Variants in ARHGAP44 observed in about 807,000 individuals in gnomAD.
ARHGAP44 encodes Rho GTPase activating protein 44, also known as rho GTPase-activating protein 44.
A neutral mutation model predicts 106.8 loss-of-function variants in ARHGAP44; 43 were observed. The observed-to-expected ratio is 0.40, with a 90% CI of 0.32 to 0.52. The LOEUF (loss-of-function observed/expected upper bound fraction) is 0.52, where lower values mean the gene tolerates loss of function less well. Among genes scored for constraint, ARHGAP44 ranks in the 20% least tolerant of loss-of-function variants. The probability of loss-of-function intolerance (pLI) is 0.48; values close to 1 mark genes in which losing one functional copy is unlikely to be tolerated. For missense variants in ARHGAP44, 866 were observed against 1,050.5 expected, an observed-to-expected ratio of 0.82 and a Z score of 2.43; for synonymous variants, 439 against 410.3, an observed-to-expected ratio of 1.07 and a Z score of -0.85.
At chr17:12,874,314 G>A (rs2036490809) in intron 1 of ARHGAP44, among the ~76,000 whole-genome samples, 1 of 152,216 alleles carries the variant, frequency 6.6e-6, no homozygotes, top group Admixed American at 6.5e-5. Context: ...AGGGGAAACT[G>A]GGACAGTATG....
chr17:12,835,995 G>A (rs1048115890), intron 1 of ARHGAP44, among the ~76,000 whole-genome samples: 3 of 152,080 alleles, frequency 2.0e-5, no homozygotes, highest in East Asian at 1.9e-4. Context: ...TTGTAAAGGC[G>A]GAATAGTATT....
At chr17:12,902,859 G>T (rs118015247) in intron 3 of ARHGAP44, among the ~76,000 whole-genome samples, 2 of 152,158 alleles carry the variant, frequency 1.3e-5, no homozygotes, top group African/African-American at 2.4e-5. Flanking sequence ...GGTAAAGCAC[G>T]TACATGCCTT....
At chr17:12,976,994 T>C (rs1299545670) in intron 18 of ARHGAP44, among the ~76,000 whole-genome samples, 1 of 151,942 alleles carries the variant, frequency 6.6e-6, no homozygotes, top group African/African-American at 2.4e-5. Context: ...GTATTTGGCA[T>C]ATAAATGATA....
chr17:12,849,175 T>C (rs191721586), intron 1 of ARHGAP44, among the ~76,000 whole-genome samples: 31 of 152,154 alleles, frequency 2.0e-4, no homozygotes, highest in African/African-American at 5.3e-4. Flanking sequence ...ATGAGTTTTT[T>C]CTAGGGTCTG....
At chr17:12,813,475 C>A (rs892735708) in intron 1 of ARHGAP44, among the ~76,000 whole-genome samples, 9 of 152,008 alleles carry the variant, frequency 5.9e-5, no homozygotes, top group African/African-American at 2.2e-4. Flanking sequence ...ATGTAGGGTG[C>A]AATATATGTA....
intron 1 of ARHGAP44, among the ~76,000 whole-genome samples, chr17:12,813,630 C>G (rs953091515): frequency 2.6e-5 from 4 of 152,062 alleles, no homozygotes; most frequent in African/African-American, 9.7e-5. Context: ...AGAAAAGTTA[C>G]AAAAAACCAG....
chr17:12,979,924 G>A, intron 18 of ARHGAP44, 134 bp from the exon 19 acceptor site: 1 of 940,216 alleles, frequency 1.1e-6, no homozygotes, highest in Non-Finnish European at 1.5e-6. Flanking sequence ...TTTTAGGAAG[G>A]GGCCAAGACA....
At chr17:12,948,459 C>A (rs2038909420) in intron 10 of ARHGAP44, among the ~76,000 whole-genome samples, 1 of 152,096 alleles carries the variant, frequency 6.6e-6, no homozygotes, top group Non-Finnish European at 1.5e-5. Flanking sequence ...CACTTGAGGT[C>A]AGGAGTTCAA....
At position 12,908,969 on chromosome 17, in the gene ARHGAP44, C is replaced by G; in HGVS notation, c.271C>G (p.Leu91Val). The change falls in exon 4 of 21, where the codon CTT becomes GTT. Residue 91 changes from leucine to valine, a missense_variant. Physicochemically the swap from Leu to Val is conservative, Grantham distance 32 (BLOSUM62 1). This residue lies in a region of ARHGAP44 where 448 missense variants were observed against 646.9 expected (regional missense o/e 0.69). Coordinates refer to ENST00000379672, the MANE Select transcript of ARHGAP44 (RefSeq NM_014859.6). ...GSAILGDDTLLGKMLKLCGET... is the reference protein window; with the variant it reads ...GSAILGDDTLVGKMLKLCGET... The stretch of plus-strand genomic sequence containing the variant: ...AGCTATCCTGGGAGATGACACACTT[C>G]TTGGGTAAGGTGACACCTTGCGTGA... 6.3e-7 allele frequency: 1 copy of G among 1,592,682 alleles called. No individual in the cohort carries two copies.
chr17:12,949,705 T>C lies in ARHGAP44; in HGVS notation c.1030T>C (p.Tyr344His). The C allele has an allele frequency of 6.2e-7, 1 of 1,613,864 alleles. No individual in the cohort carries two copies. The highest frequency in any genetic ancestry group is 8.5e-7 in the Non-Finnish European group (1 of 1,179,820). Residue 344 changes from tyrosine to histidine, a missense_variant, in exon 12 of 21, where the codon TAT becomes CAT. Tyr to His is a moderately conservative substitution (Grantham distance 83). This residue lies in a region of ARHGAP44 where 448 missense variants were observed against 646.9 expected (regional missense o/e 0.69). Coordinates refer to ENST00000379672, the MANE Select transcript of ARHGAP44 (RefSeq NM_014859.6). The surrounding 1 kb of genome is among the most constrained non-coding windows in gnomAD (Gnocchi z 4.1). The stretch of plus-strand genomic sequence containing the variant: ...AGAACCTCTTATGACCTTTGAACTC[T>C]ATGATGAGTGGATCCAGGCTTCCAA... Reference protein sequence around the residue: ...LPEPLMTFELYDEWIQASNVQ... With the variant: ...LPEPLMTFELHDEWIQASNVQ...
At chr17:12,922,422 C>G (rs16946852) in intron 6 of ARHGAP44, among the ~76,000 whole-genome samples, 5,794 of 152,166 alleles carry the variant, frequency 0.038, 312 homozygotes, top group African/African-American at 0.11. Flanking sequence ...TGTTCAAGTA[C>G]CCTATTTTGG....
chr17:12,911,921 T>C (rs1209613468), intron 4 of ARHGAP44, among the ~76,000 whole-genome samples: 1 of 152,170 alleles, frequency 6.6e-6, no homozygotes, highest in Admixed American at 6.5e-5. Flanking sequence ...AGGAAGGACC[T>C]AAAGATCTGA....
intron 1 of ARHGAP44, among the ~76,000 whole-genome samples, chr17:12,804,295 C>A (rs550479394): frequency 6.6e-6 from 1 of 152,334 alleles, no homozygotes; most frequent in African/African-American, 2.4e-5. Flanking sequence ...ACCATTAACA[C>A]ATGCTGGAGG....
At position 12,807,359 on chromosome 17, in the gene ARHGAP44, G is replaced by C. The variant is rs866362351; in HGVS notation, c.53+17468G>C. 3.3e-5 allele frequency among the ~76,000 whole-genome samples: 5 copies of C among 152,310 alleles called. No individual in the cohort carries two copies. The South Asian group carries it at 6.2e-4, about 19-fold the overall frequency. On this transcript the variant is annotated intron_variant, in intron 1 of 20. Coordinates refer to ENST00000379672, the MANE Select transcript of ARHGAP44 (RefSeq NM_014859.6). ...ACCCAGCATCCAGAGGGGAGAACCA[G>C]ATGTAGAGGATGTATTTGTCTGTTC...
At chr17:12,824,666 A>C (rs973446367) in intron 1 of ARHGAP44, among the ~76,000 whole-genome samples, 1 of 152,128 alleles carries the variant, frequency 6.6e-6, no homozygotes, top group Non-Finnish European at 1.5e-5. Context: ...CCCCAGGATA[A>C]TAATTATTTT....
chr17:12,908,211 T>G (rs2037619185), intron 3 of ARHGAP44, among the ~76,000 whole-genome samples: 1 of 149,292 alleles, frequency 6.7e-6, no homozygotes, highest in East Asian at 1.9e-4. Flanking sequence ...TTTTTTTTTT[T>G]TGGAGATGGA....
chr17:12,869,174 T>C (rs1046124248), intron 1 of ARHGAP44, among the ~76,000 whole-genome samples: 2 of 152,082 alleles, frequency 1.3e-5, no homozygotes, highest in Non-Finnish European at 2.9e-5. Flanking sequence ...GTGAAGAATA[T>C]AGGATTTGGA....
Position 12,990,317 on chromosome 17 carries a change from T to A in ARHGAP44, c.*146T>A, listed in dbSNP as rs2040097147. The A allele has an allele frequency of 9.2e-7, 1 of 1,091,776 alleles. No homozygotes were observed. The highest frequency in any genetic ancestry group is 1.3e-6 in the Non-Finnish European group (1 of 777,784). The allele number at this position is 1,091,776 out of a possible 1,614,324, so 67.6% of individuals were successfully genotyped here. On this transcript the variant is annotated 3_prime_UTR_variant, in exon 21 of 21. Transcript: ENST00000379672. The stretch of plus-strand genomic sequence containing the variant: ...ACGAGGTTGGAATTTGGCAGAAAAT[T>A]GTGATCTCCAGTCCGTGTGGTGATG...
intron 13 of ARHGAP44, 103 bp downstream of exon 13, chr17:12,952,684 T>C: frequency 1.4e-6 from 1 of 738,804 alleles, no homozygotes; most frequent in Non-Finnish European, 2.2e-6. Flanking sequence ...ATGCATAGCA[T>C]TTTATGATGT....
Sources: gnomAD v4.1 joint callset for allele counts (sites outside exome capture counted in the v4.1 genomes callset) on GRCh38, gnomAD v4.1.1 for gene constraint, gnomAD v4.1.1 regional missense constraint, Gnocchi (gnomAD v3.1) non-coding constraint, MANE v1.5 for transcripts, NCBI Gene and HGNC (gene_info 2026-07-23, HGNC 2026-07-21) for gene names.